The following FRYL variants were observed in gnomAD, a reference collection of about 807,000 sequenced individuals.
FRYL encodes the protein FRY like transcription coactivator.
Under a neutral mutation model 351.2 loss-of-function variants are expected in FRYL, and 150 were observed. That is an observed-to-expected ratio of 0.43 (90% CI 0.37 to 0.49). The LOEUF is 0.49. Among genes scored for constraint, FRYL ranks in the 20% least tolerant of loss-of-function variants. The probability of loss-of-function intolerance (pLI) is 0.00; values close to 1 mark genes in which losing one functional copy is unlikely to be tolerated. For missense variants in FRYL, 3,036 were observed against 3,619.3 expected (o/e 0.84, Z 4.13); for synonymous variants, 1,153 against 1,257.1 (o/e 0.92, Z 1.75).
In FRYL at chr4:48,606,429, G is replaced by A. The variant is rs1222939289; in HGVS notation, c.741+9C>T. The A allele has an allele frequency of 1.9e-6, 3 of 1,591,924 alleles. No homozygotes were observed. Among genetic ancestry groups the A allele is most frequent in the Admixed American group, 1.7e-5 (1 of 59,866 alleles). ...TGCTCTATTTACTGTCATTTAGAAGGTATATCACCTGCATAAATTGAAATG... is the reference window on the plus strand; with the variant it reads ...TGCTCTATTTACTGTCATTTAGAAGATATATCACCTGCATAAATTGAAATG... On this transcript the variant is annotated intron_variant, in intron 10 of 63. Coordinates refer to ENST00000358350, the MANE Select transcript of FRYL (RefSeq NM_015030.2).
intron 59 of FRYL, among the ~76,000 whole-genome samples, chr4:48,507,519 AACTC>A (rs1361494130): frequency 4.9e-5 from 5 of 102,760 alleles, no homozygotes; most frequent in South Asian, 4.0e-4. Flanking sequence ...TATCGGCCAA[AACTC>A]ACTCAAACAA....
At chr4:48,595,866 T>C (rs770480253) in intron 14 of FRYL, 31 bp downstream of exon 14, 2 of 1,399,600 alleles carry the variant, frequency 1.4e-6, no homozygotes. Context: ...AAGAATTTAT[T>C]TTTAATGCAC....
At chr4:48,590,132 T>G (rs866489530) in intron 17 of FRYL, among the ~76,000 whole-genome samples, 1 of 152,278 alleles carries the variant, frequency 6.6e-6, no homozygotes, top group South Asian at 2.1e-4. Flanking sequence ...GATCCTGTGA[T>G]AAAGATTTAA....
intron 6 of FRYL, 88 bp from the exon 7 acceptor site, chr4:48,619,458 T>G: frequency 1.5e-6 from 1 of 651,500 alleles, no homozygotes; most frequent in Non-Finnish European, 2.6e-6. Flanking sequence ...CTTACTGTTT[T>G]CCTACTATGT....
rs1317401657 is a variant in FRYL at position 48,702,216 on chromosome 4, G to C, written c.-204+8303C>G. On this transcript the variant is annotated intron_variant, in intron 2 of 63. Coordinates refer to ENST00000358350, the MANE Select transcript of FRYL (RefSeq NM_015030.2). ...CATGCCTGTAATCCCAGCACTTTGG[G>C]AGGCTGAGGCGGGCGGATCACCTGA... 3.3e-5 allele frequency among the ~76,000 whole-genome samples: 5 copies of C among 152,126 alleles called. No homozygotes were observed. The East Asian group carries it at 9.7e-4, about 29-fold the overall frequency.
At chr4:48,719,202 TA>T (rs1769197668) in intron 1 of FRYL, among the ~76,000 whole-genome samples, 1 of 151,648 alleles carries the variant, frequency 6.6e-6, no homozygotes, top group Non-Finnish European at 1.5e-5. Context: ...TGGAAGAGAC[TA>T]AACTGCCAGC....
chr4:48,734,295 G>GA (rs1272265338), intron 1 of FRYL, among the ~76,000 whole-genome samples: 1 of 152,148 alleles, frequency 6.6e-6, no homozygotes, highest in African/African-American at 2.4e-5. Flanking sequence ...TCAGAGCAAG[G>GA]AAAGTTCTCA....
chr4:48,506,186 G>C (rs1467765655), intron 59 of FRYL: 1 of 151,902 alleles, frequency 6.6e-6, no homozygotes, highest in Admixed American at 6.6e-5. Flanking sequence ...AAACAATACT[G>C]GATGTAGAAG....
At chr4:48,633,376 TTGGCTTC>T (rs1753633659) in intron 4 of FRYL, among the ~76,000 whole-genome samples, 1 of 152,202 alleles carries the variant, frequency 6.6e-6, no homozygotes, top group Non-Finnish European at 1.5e-5. Context: ...ATTTGCTCTT[TTGGCTTC>T]AATTTACACC....
At chr4:48,604,337 T>A (rs1366276894) in intron 11 of FRYL, among the ~76,000 whole-genome samples, 1 of 152,178 alleles carries the variant, frequency 6.6e-6, no homozygotes, top group South Asian at 2.1e-4. Flanking sequence ...GTATTATGGG[T>A]TGAATCATAT....
intron 2 of FRYL, among the ~76,000 whole-genome samples, chr4:48,691,261 A>G (rs1765650330): frequency 6.6e-6 from 1 of 152,194 alleles, no homozygotes; most frequent in African/African-American, 2.4e-5. Flanking sequence ...ATGCACACAC[A>G]AATTTATTTG....
chr4:48,657,458 A>G (rs1277401495), intron 3 of FRYL, among the ~76,000 whole-genome samples: 4 of 151,612 alleles, frequency 2.6e-5, no homozygotes, highest in Admixed American at 2.6e-4. Context: ...CAATCTTCAA[A>G]TGAGTTTTCT....
At chr4:48,663,643 C>T (rs1761207210) in intron 3 of FRYL, among the ~76,000 whole-genome samples, 1 of 151,272 alleles carries the variant, frequency 6.6e-6, no homozygotes, top group Non-Finnish European at 1.5e-5. Context: ...GGCGTGGTAG[C>T]GGGCGCCTGT....
At chr4:48,507,560 C>G (rs1192655036) in intron 59 of FRYL, among the ~76,000 whole-genome samples, 1 of 116,450 alleles carries the variant, frequency 8.6e-6, no homozygotes, top group Non-Finnish European at 1.9e-5. Context: ...AGAAAAGTAC[C>G]GGAGTGAGCC....
At position 48,634,489 on chromosome 4, in the gene FRYL, AG is replaced by A. The variant is rs1753841152; in HGVS notation, c.-80del. 8.7e-6 allele frequency: 14 copies of A among 1,607,556 alleles called. No individual in the cohort carries two copies. The highest frequency in any genetic ancestry group is 1.1e-5 in the Non-Finnish European group (13 of 1,176,472). On this transcript the variant is annotated splice_region_variant and 5_prime_UTR_variant, in exon 4 of 64. It removes the in-frame stop codon of an upstream open reading frame in the 5' UTR. Coordinates refer to ENST00000358350, the MANE Select transcript of FRYL (RefSeq NM_015030.2). The stretch of plus-strand genomic sequence containing the variant: ...TATTTACTTTGCTGACTGGCGCTGA[AG>A]CTAAAAGTAAAAGAAACAAAAGAAC...
intron 17 of FRYL, 140 bp downstream of exon 17, chr4:48,590,519 A>G (rs1743032004): frequency 7.2e-6 from 4 of 556,068 alleles, no homozygotes; most frequent in Non-Finnish European, 1.2e-5. Flanking sequence ...AAAAAAACCC[A>G]GAAGTATTCA....
At chr4:48,686,723 C>T (rs1167975826) in intron 2 of FRYL, among the ~76,000 whole-genome samples, 1 of 152,230 alleles carries the variant, frequency 6.6e-6, no homozygotes, top group African/African-American at 2.4e-5. Flanking sequence ...TTTCATTTTG[C>T]TTTGCTTTTG....
intron 44 of FRYL, 31 bp from the exon 45 acceptor site, chr4:48,542,152 T>C: frequency 6.8e-7 from 1 of 1,479,738 alleles, no homozygotes; most frequent in Non-Finnish European, 9.5e-7. Context: ...TTTAATTAAT[T>C]ATGCTCTGGA....
At chr4:48,779,166 A>G (rs905002512) in intron 1 of FRYL, among the ~76,000 whole-genome samples, 17 of 152,222 alleles carry the variant, frequency 1.1e-4, no homozygotes, top group Non-Finnish European at 2.5e-4. Context: ...CAGCCTCTCC[A>G]GAACGCAGGA....
Sources: allele counts gnomAD v4.1 joint callset (sites outside exome capture counted in the v4.1 genomes callset), GRCh38; gene constraint gnomAD v4.1.1; transcripts MANE v1.5; gene names NCBI Gene and HGNC (gene_info 2026-07-23, HGNC 2026-07-21).